The following LRRC7 variants were observed in gnomAD, a reference collection of about 807,000 sequenced individuals.
The protein encoded by LRRC7 is leucine rich repeat containing 7.
In LRRC7, 23 loss-of-function variants were observed where a neutral mutation model predicts 175.7. The ratio of observed to expected loss-of-function variants is 0.13; its 90% CI spans 0.09 to 0.19. LRRC7 has a LOEUF of 0.19. Ranked by LOEUF, LRRC7 falls within the 10% of genes least tolerant of loss-of-function variation. LRRC7 has a pLI of 1.00. For missense variants in LRRC7, 1,354 were observed against 1,904.7 expected (o/e 0.71, Z 5.38); for synonymous variants, 685 against 680.9 (o/e 1.01, Z -0.09).
chr1:69,666,358 C>T, intron 1 of LRRC7, among the ~76,000 whole-genome samples: 1 of 151,984 alleles, frequency 6.6e-6, no homozygotes, highest in Non-Finnish European at 1.5e-5. Context: ...GTATTCCTTC[C>T]TCCTCTATTT....
chr1:69,691,408 C>G (rs1178097561), intron 2 of LRRC7, among the ~76,000 whole-genome samples: 2 of 152,038 alleles, frequency 1.3e-5, no homozygotes, highest in African/African-American at 4.8e-5. Flanking sequence ...CAGACGCATC[C>G]TATTTATCTG....
intron 2 of LRRC7, among the ~76,000 whole-genome samples, chr1:69,739,085 A>G (rs761048050): frequency 7.2e-5 from 11 of 152,084 alleles, no homozygotes; most frequent in African/African-American, 1.9e-4. Context: ...GCTGGTCACT[A>G]TGGTAACCAG....
intron 2 of LRRC7, among the ~76,000 whole-genome samples, chr1:69,704,217 G>A (rs1663739230): frequency 6.6e-6 from 1 of 151,644 alleles, no homozygotes; most frequent in African/African-American, 2.4e-5. Flanking sequence ...ACTGGTTTTT[G>A]TCTATCTTTT....
At chr1:69,752,607 GTC>G (rs931697635) in intron 2 of LRRC7, among the ~76,000 whole-genome samples, 7 of 152,232 alleles carry the variant, frequency 4.6e-5, no homozygotes, top group South Asian at 2.1e-4. Context: ...AGCAAGATGA[GTC>G]TCTCTGTTAT....
chr1:69,767,896 A>C (rs1443289691), intron 3 of LRRC7, among the ~76,000 whole-genome samples: 1 of 152,164 alleles, frequency 6.6e-6, no homozygotes, highest in African/African-American at 2.4e-5. Context: ...GGTGCCAGAA[A>C]AAAACAGCCT....
intron 23 of LRRC7, among the ~76,000 whole-genome samples, chr1:70,072,520 T>C (rs1662463825): frequency 6.6e-6 from 1 of 152,228 alleles, no homozygotes; most frequent in Non-Finnish European, 1.5e-5. Context: ...CTTTGCTTTC[T>C]ACAGCTGTCA....
chr1:69,712,667 T>C (rs983350262), intron 2 of LRRC7, among the ~76,000 whole-genome samples: 2 of 152,180 alleles, frequency 1.3e-5, no homozygotes, highest in Non-Finnish European at 1.5e-5. Context: ...GTCTCTATTA[T>C]AACAAAAAGT....
intron 1 of LRRC7, among the ~76,000 whole-genome samples, chr1:69,668,666 T>C (rs1259250585): frequency 6.6e-6 from 1 of 152,334 alleles, no homozygotes; most frequent in East Asian, 1.9e-4. Flanking sequence ...AACCCAGTAA[T>C]GGGATTGCTG....
At chr1:69,789,929 A>G (rs1674920736) in intron 3 of LRRC7, among the ~76,000 whole-genome samples, 2 of 152,054 alleles carry the variant, frequency 1.3e-5, no homozygotes, top group African/African-American at 4.8e-5. Context: ...AACGTCTTAC[A>G]TTTTCACAAG....
intron 1 of LRRC7, among the ~76,000 whole-genome samples, chr1:69,612,195 A>G (rs1648875400): frequency 6.6e-6 from 1 of 151,978 alleles, no homozygotes; most frequent in South Asian, 2.1e-4. Flanking sequence ...AATATACCAA[A>G]CCAGTGTTTT....
intron 14 of LRRC7, 145 bp downstream of exon 14, chr1:70,016,679 G>T: frequency 1.7e-6 from 1 of 603,136 alleles, no homozygotes; most frequent in African/African-American, 1.9e-5. Flanking sequence ...ATTTTGTAAA[G>T]ATAGCAATTC....
chr1:69,785,884 A>T (rs1353467284), intron 3 of LRRC7, among the ~76,000 whole-genome samples: 1 of 152,148 alleles, frequency 6.6e-6, no homozygotes, highest in Non-Finnish European at 1.5e-5. Flanking sequence ...GTTTCCCAAA[A>T]TTCCAAAAAG....
intron 1 of LRRC7, among the ~76,000 whole-genome samples, chr1:69,601,787 A>G (rs1189366108): frequency 6.6e-6 from 1 of 152,164 alleles, no homozygotes; most frequent in African/African-American, 2.4e-5. Flanking sequence ...ATTAACAAGG[A>G]TAAAGTGAAT....
chr1:69,823,884 T>C (rs1679594085), intron 4 of LRRC7, among the ~76,000 whole-genome samples: 1 of 152,134 alleles, frequency 6.6e-6, no homozygotes, highest in African/African-American at 2.4e-5. Flanking sequence ...AACTAAGGCA[T>C]TGGGAGTTTA....
chr1:69,604,747 A>T (rs780468966), intron 1 of LRRC7, among the ~76,000 whole-genome samples: 5 of 152,056 alleles, frequency 3.3e-5, no homozygotes, highest in Non-Finnish European at 5.9e-5. Context: ...TTTAGCTGGT[A>T]GCATGTATTA....
chr1:70,109,371 G>C (rs1665369394), intron 26 of LRRC7, among the ~76,000 whole-genome samples: 1 of 152,064 alleles, frequency 6.6e-6, no homozygotes, highest in African/African-American at 2.4e-5. Flanking sequence ...AGCTACTCAA[G>C]TTTTCAAAAA....
chr1:69,640,306 T>C (rs1337480101), intron 1 of LRRC7, among the ~76,000 whole-genome samples: 1 of 151,822 alleles, frequency 6.6e-6, no homozygotes, highest in Admixed American at 6.6e-5. Flanking sequence ...TAACACACAA[T>C]TAATTCTTGA....
intron 1 of LRRC7, among the ~76,000 whole-genome samples, chr1:69,616,157 G>T (rs963657425): frequency 1.3e-5 from 2 of 151,990 alleles, no homozygotes; most frequent in South Asian, 4.1e-4. Flanking sequence ...AGTAAATATC[G>T]CATTTACTTA....
chr1:70,071,862 G>A (rs371234380), intron 23 of LRRC7, among the ~76,000 whole-genome samples: 59 of 152,188 alleles, frequency 3.9e-4, no homozygotes, highest in African/African-American at 1.4e-3. Context: ...TTTTTTAAAA[G>A]ACCAGTGTAA....
Sources: gnomAD v4.1 joint callset for allele counts (sites outside exome capture counted in the v4.1 genomes callset) on GRCh38, gnomAD v4.1.1 for gene constraint, MANE v1.5 for transcripts, NCBI Gene and HGNC (gene_info 2026-07-23, HGNC 2026-07-21) for gene names.